The following GSK3B variants were observed in gnomAD, a reference collection of about 807,000 sequenced individuals.
The protein encoded by GSK3B is glycogen synthase kinase 3 beta.
In GSK3B, 15 loss-of-function variants were observed where a neutral mutation model predicts 56.4. That is an observed-to-expected ratio of 0.27 (90% CI 0.18 to 0.41). The LOEUF (loss-of-function observed/expected upper bound fraction) is 0.41, where lower values mean the gene tolerates loss of function less well. GSK3B is among the 10% of genes least tolerant of loss of function. GSK3B has a pLI of 1.00. For synonymous variants in GSK3B, 181 were observed against 188.9 expected, an observed-to-expected ratio of 0.96 and a Z score of 0.34; for missense variants, 300 against 513.4, an observed-to-expected ratio of 0.58 and a Z score of 4.02.
intron 1 of GSK3B, among the ~76,000 whole-genome samples, chr3:120,016,023 C>T (rs1475482090): frequency 6.6e-6 from 1 of 152,188 alleles, no homozygotes; most frequent in Non-Finnish European, 1.5e-5. Flanking sequence ...TTACTCTGTT[C>T]CTAACCCTTT....
At chr3:119,996,072 A>T (rs2057615000) in intron 2 of GSK3B, among the ~76,000 whole-genome samples, 1 of 152,246 alleles carries the variant, frequency 6.6e-6, no homozygotes, top group South Asian at 2.1e-4. Context: ...AAAAGTAGCA[A>T]AAATCAAATG....
At chr3:119,984,140 G>T (rs2057490844) in intron 2 of GSK3B, among the ~76,000 whole-genome samples, 1 of 152,150 alleles carries the variant, frequency 6.6e-6, no homozygotes, top group South Asian at 2.1e-4. Flanking sequence ...CAGAAATAAA[G>T]ATATTCTCTG....
intron 9 of GSK3B, among the ~76,000 whole-genome samples, chr3:119,856,732 T>C (rs1206831978): frequency 6.6e-6 from 1 of 152,164 alleles, no homozygotes; most frequent in Non-Finnish European, 1.5e-5. Flanking sequence ...ACTTAGAAAG[T>C]ACTGAAGAAT....
At chr3:120,070,788 A>G (rs1478956812) in intron 1 of GSK3B, among the ~76,000 whole-genome samples, 1 of 152,232 alleles carries the variant, frequency 6.6e-6, no homozygotes, top group Non-Finnish European at 1.5e-5. Context: ...CCTAAGGAGT[A>G]AAGTCTAATA....
At chr3:120,077,644 T>C (rs2058378606) in intron 1 of GSK3B, among the ~76,000 whole-genome samples, 1 of 151,898 alleles carries the variant, frequency 6.6e-6, no homozygotes, top group Non-Finnish European at 1.5e-5. Context: ...ACAGTTGCTC[T>C]TGGTAGGGGC....
chr3:120,029,681 G>GGATACAGCAGA, intron 1 of GSK3B: 1 of 530,788 alleles, frequency 1.9e-6, no homozygotes, highest in Non-Finnish European at 3.7e-6. Context: ...TTATGGCCAT[G>GGATACAGCAGA]GATACAGCAG....
chr3:119,822,916 G>A lies in GSK3B; in HGVS notation c.*3872C>T, dbSNP rs2055435876. ...AAGGAAAGGGAAAAATAGATGAAAT[G>A]CCAGTGTCTTCATATCCACAGGGAT... On this transcript the variant is annotated 3_prime_UTR_variant, in exon 11 of 11. Coordinates refer to ENST00000264235, the MANE Select transcript of GSK3B (RefSeq NM_001146156.2). The A allele has an allele frequency of 8.7e-6, 2 of 229,194 alleles. No homozygotes were observed. Among genetic ancestry groups the A allele is most frequent in the Non-Finnish European group, 1.7e-5 (2 of 115,494 alleles). 14.2% of individuals were successfully genotyped at this position (229,194 alleles called of 1,614,324 possible).
intron 1 of GSK3B, among the ~76,000 whole-genome samples, chr3:120,093,049 G>T (rs1340899152): frequency 6.6e-6 from 1 of 152,148 alleles, no homozygotes; most frequent in Non-Finnish European, 1.5e-5. Context: ...CTTTAACGTG[G>T]AAACACTCGA....
chr3:119,862,333 A>G lies in GSK3B; in HGVS notation c.1096+1086T>C, dbSNP rs1194250068. Among the ~76,000 whole-genome samples, 6 of 121,202 alleles carry G rather than the reference A, an allele frequency of 5.0e-5. No individual in the cohort carries two copies. The East Asian group carries it at 1.2e-3, about 24-fold the overall frequency. 79.5% of individuals were successfully genotyped at this position (121,202 alleles called of 152,430 possible). A position where few individuals can be genotyped will look rare whatever the true frequency, so the allele number is the denominator to read the frequency against. On this transcript the variant is annotated intron_variant, in intron 9 of 10. Coordinates refer to ENST00000264235, the MANE Select transcript of GSK3B (RefSeq NM_001146156.2). ...GGTGGGAATTGAACAATGAGATCAC[A>G]TGGACACAGGAAGGGGAATATCACA... is the stretch of plus-strand genomic sequence containing the variant.
chr3:120,090,671 A>G (rs535254754), intron 1 of GSK3B, among the ~76,000 whole-genome samples: 1 of 152,016 alleles, frequency 6.6e-6, no homozygotes, highest in Non-Finnish European at 1.5e-5. Flanking sequence ...TTCCCTCATG[A>G]TTCACAACAT....
At chr3:119,894,120 A>G (rs1247288889) in intron 7 of GSK3B, among the ~76,000 whole-genome samples, 1 of 152,156 alleles carries the variant, frequency 6.6e-6, no homozygotes, top group Non-Finnish European at 1.5e-5. Context: ...TATAAATAGA[A>G]TGGAATTATA....
At chr3:119,860,919 T>G (rs1158920486) in intron 9 of GSK3B, among the ~76,000 whole-genome samples, 1 of 152,138 alleles carries the variant, frequency 6.6e-6, no homozygotes, top group Non-Finnish European at 1.5e-5. Context: ...GAGGAGGGCT[T>G]TATGCTGCCT....
At chr3:119,900,380 G>C (rs902126485) in intron 7 of GSK3B, among the ~76,000 whole-genome samples, 1 of 151,896 alleles carries the variant, frequency 6.6e-6, no homozygotes, top group Non-Finnish European at 1.5e-5. Context: ...TATCTCTGTA[G>C]GAATTTTAAT....
At chr3:120,006,424 C>T (rs775895108) in intron 1 of GSK3B, among the ~76,000 whole-genome samples, 8 of 152,092 alleles carry the variant, frequency 5.3e-5, no homozygotes, top group African/African-American at 9.7e-5. Flanking sequence ...CTAATAGACA[C>T]CTACAGAACT....
chr3:119,947,393 A>G, intron 2 of GSK3B, 42 bp from the exon 3 acceptor site: 1 of 1,182,016 alleles, frequency 8.5e-7, no homozygotes, highest in Non-Finnish European at 1.3e-6. Context: ...AAAGGATAAC[A>G]GCTATTCATC....
At chr3:120,067,526 T>G (rs2058290640) in intron 1 of GSK3B, among the ~76,000 whole-genome samples, 1 of 152,288 alleles carries the variant, frequency 6.6e-6, no homozygotes, top group Admixed American at 6.5e-5. Flanking sequence ...TATAAAGAAT[T>G]TTGCATCAAA....
chr3:119,857,696 C>T (rs1246215575), intron 9 of GSK3B, among the ~76,000 whole-genome samples: 1 of 152,204 alleles, frequency 6.6e-6, no homozygotes, highest in South Asian at 2.1e-4. Context: ...TTTCACAAAT[C>T]ACAAATGTTC....
chr3:120,011,206 C>T (rs1301052623), intron 1 of GSK3B, among the ~76,000 whole-genome samples: 1 of 152,140 alleles, frequency 6.6e-6, no homozygotes, highest in Non-Finnish European at 1.5e-5. Context: ...AAACAGGAGC[C>T]CCACCTTTGT....
intron 1 of GSK3B, among the ~76,000 whole-genome samples, chr3:120,075,432 C>T (rs1165167479): frequency 1.3e-5 from 2 of 151,914 alleles, no homozygotes; most frequent in Non-Finnish European, 2.9e-5. Context: ...AAAAGTTAAC[C>T]AAATCAGAAA....
Sources: allele counts gnomAD v4.1 joint callset (sites outside exome capture counted in the v4.1 genomes callset), GRCh38; gene constraint gnomAD v4.1.1; transcripts MANE v1.5; gene names NCBI Gene and HGNC (gene_info 2026-07-23, HGNC 2026-07-21).